The following LTBP1 variants were observed in gnomAD, a reference collection of about 807,000 sequenced individuals.
The protein encoded by LTBP1 is latent-transforming growth factor beta-binding protein 1.
LTBP1 carries 129 observed loss-of-function variants against 207.6 expected under a neutral mutation model. The ratio of observed to expected loss-of-function variants is 0.62; its 90% CI spans 0.54 to 0.72. LTBP1 has a LOEUF of 0.72. Among genes scored for constraint, LTBP1 ranks in the 30% least tolerant of loss-of-function variants. The pLI, the probability that LTBP1 is intolerant of heterozygous loss-of-function variation, is 0.00. For synonymous variants in LTBP1, 963 were observed against 833.7 expected (o/e 1.16, Z -2.67); for missense variants, 2,281 against 2,217.2 (o/e 1.03, Z -0.58).
At chr2:33,139,069 A>G (rs376603927) in intron 5 of LTBP1, among the ~76,000 whole-genome samples, 6 of 151,702 alleles carry the variant, frequency 4.0e-5, no homozygotes, top group East Asian at 1.9e-4. Context: ...CGTGTTAGCC[A>G]GGATGGTCTC....
chr2:33,265,781 A>G (rs2093160391), intron 15 of LTBP1, among the ~76,000 whole-genome samples: 1 of 152,128 alleles, frequency 6.6e-6, no homozygotes, highest in Admixed American at 6.5e-5. Flanking sequence ...AGTTATTTTT[A>G]GAGTCAGCAA....
intron 6 of LTBP1, 68 bp from the exon 7 acceptor site, chr2:33,188,509 G>A (rs1443657162): frequency 2.3e-6 from 3 of 1,294,608 alleles, no homozygotes; most frequent in Non-Finnish European, 3.2e-6. Flanking sequence ...TTACTTTCAT[G>A]TTTTAAAACT....
intron 2 of LTBP1, among the ~76,000 whole-genome samples, chr2:32,991,050 A>G (rs180943854): frequency 4.3e-4 from 65 of 152,352 alleles, no homozygotes; most frequent in Admixed American, 2.8e-3. Context: ...CAAAGTTTGG[A>G]AAGTGTAATG....
At chr2:33,090,780 A>G (rs138442485) in intron 3 of LTBP1, among the ~76,000 whole-genome samples, 106 of 152,328 alleles carry the variant, frequency 7.0e-4, no homozygotes, top group Admixed American at 1.3e-3. Context: ...AAGTCCAACT[A>G]TAATAAAATA....
intron 7 of LTBP1, among the ~76,000 whole-genome samples, chr2:33,190,017 G>C (rs1302926414): frequency 6.6e-6 from 1 of 152,096 alleles, no homozygotes; most frequent in Non-Finnish European, 1.5e-5. Flanking sequence ...ACAGGAGTGA[G>C]ACTCTGTCTC....
At chr2:33,357,646 T>C (rs2094880102) in intron 26 of LTBP1, among the ~76,000 whole-genome samples, 1 of 152,174 alleles carries the variant, frequency 6.6e-6, no homozygotes, top group African/African-American at 2.4e-5. Context: ...CGAACTTTCT[T>C]GTTGTTACCG....
intron 3 of LTBP1, among the ~76,000 whole-genome samples, chr2:33,079,090 T>A (rs1469932229): frequency 6.6e-6 from 1 of 152,122 alleles, no homozygotes; most frequent in Non-Finnish European, 1.5e-5. Flanking sequence ...TTTCTTTTTA[T>A]CCTGTTAATT....
intron 5 of LTBP1, among the ~76,000 whole-genome samples, chr2:33,166,849 G>A (rs1026112968): frequency 8.5e-5 from 13 of 152,172 alleles, no homozygotes; most frequent in Middle Eastern, 3.2e-3. Flanking sequence ...CCTGAATAGC[G>A]TTAGCATTTG....
rs747369303 is a variant in LTBP1 at position 33,363,352 on chromosome 2, T to C, written c.4271-38T>C. ...CTCTTTTTAATTGAAAGATCAAACC[T>C]AACTCCTTTTTGTATTTCTCAATTT... is the stretch of plus-strand genomic sequence containing the variant. On this transcript the variant is annotated intron_variant, in intron 28 of 33. Transcript: ENST00000404816. The C allele has an allele frequency of 6.2e-6, 10 of 1,610,272 alleles. No homozygotes were observed. The East Asian group carries it at 1.6e-4, about 25-fold the overall frequency.
At chr2:33,326,499 A>G (rs1482973180) in intron 24 of LTBP1, among the ~76,000 whole-genome samples, 1 of 112,440 alleles carries the variant, frequency 8.9e-6, no homozygotes, top group East Asian at 2.9e-4. Context: ...TTATTGGATT[A>G]AAAAAAAAAC....
At chr2:33,326,817 C>G (rs2149415464) in intron 24 of LTBP1, among the ~76,000 whole-genome samples, 1 of 152,148 alleles carries the variant, frequency 6.6e-6, no homozygotes, top group South Asian at 2.1e-4. Context: ...TGCCACCACA[C>G]CTGGCTAACT....
At chr2:33,336,574 A>C (rs1005330225) in intron 24 of LTBP1, among the ~76,000 whole-genome samples, 1 of 152,226 alleles carries the variant, frequency 6.6e-6, no homozygotes, top group Non-Finnish European at 1.5e-5. Flanking sequence ...CCGTTTCTTC[A>C]CAACTCTCAG....
chr2:33,031,569 G>C (rs219211), intron 3 of LTBP1, among the ~76,000 whole-genome samples: 74,281 of 152,050 alleles, frequency 0.49, 19,840 homozygotes, highest in East Asian at 0.98. Context: ...TTCTAATGGC[G>C]AGTAAGGAAG....
chr2:33,021,203 C>G lies in LTBP1; in HGVS notation c.860C>G (p.Ser287Cys). 2.5e-6 allele frequency: 4 copies of G among 1,585,258 alleles called. No homozygotes were observed. The highest frequency in any genetic ancestry group is 3.4e-6 in the Non-Finnish European group (4 of 1,161,002). ...PSVGLPQQIH[S>C]QVTPLSSQSV... ...GTGGGACTCCCCCAGCAGATACATT[C>G]TCAGTGAGTGTTTCGAACTTTCATT... Residue 287 changes from serine to cysteine, a missense_variant, in exon 3 of 34, where the codon TCT (serine) becomes TGT (cysteine). Coordinates refer to ENST00000404816, the MANE Select transcript of LTBP1 (RefSeq NM_206943.4).
chr2:33,212,376 A>G (rs1006972720), intron 7 of LTBP1, among the ~76,000 whole-genome samples: 1 of 152,210 alleles, frequency 6.6e-6, no homozygotes, highest in South Asian at 2.1e-4. Flanking sequence ...AGGAGATAAG[A>G]CAAAAGGAGG....
intron 20 of LTBP1, among the ~76,000 whole-genome samples, chr2:33,297,622 G>A (rs1272973470): frequency 6.6e-6 from 1 of 151,878 alleles, no homozygotes; most frequent in South Asian, 2.1e-4. Flanking sequence ...AGTAGAGATG[G>A]GGTTTCACCA....
chr2:33,085,215 G>A (rs985110697), intron 3 of LTBP1, among the ~76,000 whole-genome samples: 4 of 152,138 alleles, frequency 2.6e-5, no homozygotes, highest in African/African-American at 9.7e-5. Flanking sequence ...GGCTCTGCTG[G>A]TCCCTGGATT....
chr2:33,164,355 A>AAG lies in LTBP1; in HGVS notation c.1202-22500_1202-22499insGA, dbSNP rs1423714222. On this transcript the variant is annotated intron_variant, in intron 5 of 33. Transcript: ENST00000404816. Reference sequence around the variant, plus strand: ...ACAGAGCAAGACTTCCTCTCAGGAAAAAAAAAAAAAAAAAAAAAAAAAAAA... The same window carrying AAG: ...ACAGAGCAAGACTTCCTCTCAGGAAAAGAAAAAAAAAAAAAAAAAAAAAAAAA... Among the ~76,000 whole-genome samples the AAG allele has an allele frequency of 9.5e-5, 13 of 137,462 alleles. 1 individual carries two copies. Among genetic ancestry groups the AAG allele is most frequent in the African/African-American group, 3.7e-4 (13 of 34,796 alleles). The allele number at this position is 137,462 out of a possible 152,430, so 90.2% of individuals were successfully genotyped here. A position where few individuals can be genotyped will look rare whatever the true frequency, so the allele number is the denominator to read the frequency against.
intron 2 of LTBP1, among the ~76,000 whole-genome samples, chr2:33,013,503 C>G (rs1296224372): frequency 6.7e-6 from 1 of 149,576 alleles, no homozygotes; most frequent in Non-Finnish European, 1.5e-5. Context: ...TTCCCTTTTG[C>G]TATTTTAATT....
Sources: allele counts gnomAD v4.1 joint callset (sites outside exome capture counted in the v4.1 genomes callset), GRCh38; gene constraint gnomAD v4.1.1; transcripts MANE v1.5; gene names NCBI Gene and HGNC (gene_info 2026-07-23, HGNC 2026-07-21).